Variants in ARSB observed in about 807,000 individuals in gnomAD.
ARSB encodes N-acetylgalactosamine-4-sulfatase.
ARSB carries 41 observed loss-of-function variants against 50.9 expected under a neutral mutation model. The ratio of observed to expected loss-of-function variants is 0.81; its 90% CI spans 0.63 to 1.04. The LOEUF (loss-of-function observed/expected upper bound fraction) is 1.04. ARSB is among the 50% of genes least tolerant of loss of function. The probability of loss-of-function intolerance (pLI) is 0.00; values close to 1 mark genes in which losing one functional copy is unlikely to be tolerated. For missense variants in ARSB, 672 were observed against 693.3 expected (o/e 0.97, Z 0.35); for synonymous variants, 269 against 284.8 (o/e 0.94, Z 0.56).
At chr5:78,819,522 T>G (rs1419383414) in intron 6 of ARSB, among the ~76,000 whole-genome samples, 1 of 152,196 alleles carries the variant, frequency 6.6e-6, no homozygotes, top group Non-Finnish European at 1.5e-5. Flanking sequence ...GGAAAAACAT[T>G]TCCCACTGTC....
At position 78,962,524 on chromosome 5, in the gene ARSB, ATTTTTTTT is replaced by A. The variant is rs10683109; in HGVS notation, c.690+1884_690+1891del. On this transcript the variant is annotated intron_variant, in intron 3 of 7. Coordinates refer to ENST00000264914, the MANE Select transcript of ARSB (RefSeq NM_000046.5). ...GTGTTTTCACTTCTACATGTGCTCGATTTTTTTTTTTTTTTTTTTTTGAGACGGAGTCT... is the reference window on the plus strand; with the variant it reads ...GTGTTTTCACTTCTACATGTGCTCGATTTTTTTTTTTTTGAGACGGAGTCT... 3.3e-4 allele frequency among the ~76,000 whole-genome samples: 35 copies of A among 106,222 alleles called. 1 individual carries two copies. The highest frequency in any genetic ancestry group is 1.3e-3 in the African/African-American group (34 of 25,268). 69.7% of individuals were successfully genotyped at this position (106,222 alleles called of 152,430 possible).
intron 4 of ARSB, among the ~76,000 whole-genome samples, chr5:78,930,632 T>C (rs1365427128): frequency 1.3e-5 from 2 of 152,108 alleles, no homozygotes; most frequent in African/African-American, 4.8e-5. Flanking sequence ...TAAGAAAACA[T>C]GAAAAAAGAG....
At chr5:78,922,433 A>T (rs1304916904) in intron 4 of ARSB, among the ~76,000 whole-genome samples, 2 of 151,764 alleles carry the variant, frequency 1.3e-5, no homozygotes, top group African/African-American at 4.8e-5. Context: ...GGACATGTCT[A>T]GATATATCCT....
intron 1 of ARSB, among the ~76,000 whole-genome samples, chr5:78,983,092 CG>C (rs1235579174): frequency 1.3e-5 from 2 of 152,112 alleles, no homozygotes; most frequent in African/African-American, 4.8e-5. Context: ...CTTGCTCTGT[CG>C]CCCAGGCTGG....
chr5:78,854,386 C>T (rs775944473), intron 5 of ARSB, among the ~76,000 whole-genome samples: 1 of 152,214 alleles, frequency 6.6e-6, no homozygotes, highest in African/African-American at 2.4e-5. Context: ...CCTCTTAACA[C>T]TTCTTTTGCT....
intron 4 of ARSB, among the ~76,000 whole-genome samples, chr5:78,915,304 A>G (rs539318748): frequency 6.6e-6 from 1 of 151,782 alleles, no homozygotes; most frequent in Admixed American, 6.5e-5. Context: ...TTTTTCTTGA[A>G]GTTTCATCAG....
chr5:78,884,880 T>A (rs1252399310), intron 5 of ARSB: 1 of 152,208 alleles, frequency 6.6e-6, no homozygotes, highest in Non-Finnish European at 1.5e-5. Flanking sequence ...ACTGTGGGGG[T>A]TAAACAGGAA....
chr5:78,977,923 A>G (rs1232415268), intron 1 of ARSB, among the ~76,000 whole-genome samples: 7 of 152,240 alleles, frequency 4.6e-5, no homozygotes. Context: ...ACTACTGAAA[A>G]TAAAATTAAG....
chr5:78,931,859 T>C (rs993464088), intron 4 of ARSB, among the ~76,000 whole-genome samples: 5 of 152,076 alleles, frequency 3.3e-5, no homozygotes, highest in African/African-American at 1.2e-4. Flanking sequence ...GTTCACATGA[T>C]AGTGAGTAAG....
chr5:78,873,703 G>A (rs2112164502), intron 5 of ARSB, among the ~76,000 whole-genome samples: 1 of 151,386 alleles, frequency 6.6e-6, no homozygotes, highest in East Asian at 1.9e-4. Context: ...CACCGTTTTA[G>A]CCGGGATGGT....
At chr5:78,783,103 T>C (rs1162925104) in intron 6 of ARSB, among the ~76,000 whole-genome samples, 3 of 152,170 alleles carry the variant, frequency 2.0e-5, no homozygotes, top group Non-Finnish European at 4.4e-5. Flanking sequence ...GAATAACATA[T>C]AGTCTGTTTT....
chr5:78,925,067 G>GCTC (rs1749985973), intron 4 of ARSB, among the ~76,000 whole-genome samples: 1 of 152,150 alleles, frequency 6.6e-6, no homozygotes, highest in Admixed American at 6.5e-5. Flanking sequence ...GTTTATGTCT[G>GCTC]CTCCTGTCTG....
At chr5:78,907,147 G>A (rs1749101994) in intron 4 of ARSB, among the ~76,000 whole-genome samples, 1 of 152,194 alleles carries the variant, frequency 6.6e-6, no homozygotes. Flanking sequence ...AGGTGACACG[G>A]AGGCCGTTCA....
chr5:78,808,582 G>A (rs753122740), intron 6 of ARSB, among the ~76,000 whole-genome samples: 17 of 152,104 alleles, frequency 1.1e-4, no homozygotes, highest in Non-Finnish European at 1.9e-4. Context: ...CATGCTCTCC[G>A]GGCACATCCT....
At chr5:78,848,125 A>T (rs1010832669) in intron 5 of ARSB, among the ~76,000 whole-genome samples, 60 of 151,042 alleles carry the variant, frequency 4.0e-4, no homozygotes, top group African/African-American at 1.2e-3. Context: ...TGTGCAGGTT[A>T]GTTACATATG....
intron 4 of ARSB, among the ~76,000 whole-genome samples, chr5:78,914,034 T>C (rs1204101044): frequency 1.3e-5 from 2 of 151,658 alleles, no homozygotes; most frequent in Non-Finnish European, 2.9e-5. Context: ...GCAATCATAG[T>C]ACGTTGTAAC....
chr5:78,790,210 G>A (rs1749198680), intron 6 of ARSB, among the ~76,000 whole-genome samples: 2 of 152,128 alleles, frequency 1.3e-5, no homozygotes, highest in South Asian at 4.1e-4. Flanking sequence ...TTCTCCAGGA[G>A]GCCATAGTAC....
At chr5:78,959,811 G>A (rs1430391125) in intron 3 of ARSB, among the ~76,000 whole-genome samples, 1 of 152,200 alleles carries the variant, frequency 6.6e-6, no homozygotes. Context: ...AGAAAGAGTA[G>A]TGTTTTTAAT....
chr5:78,805,320 C>T (rs534441632), intron 6 of ARSB, among the ~76,000 whole-genome samples: 50 of 152,252 alleles, frequency 3.3e-4, no homozygotes, highest in Middle Eastern at 3.4e-3. Flanking sequence ...AGTCAGCCAA[C>T]GAGGCACACA....
Sources: gnomAD v4.1 joint callset for allele counts (sites outside exome capture counted in the v4.1 genomes callset) on GRCh38, gnomAD v4.1.1 for gene constraint, MANE v1.5 for transcripts, NCBI Gene and HGNC (gene_info 2026-07-23, HGNC 2026-07-21) for gene names.